ALK: variants seen among roughly 807,000 people sequenced by gnomAD.
ALK encodes the protein ALK tyrosine kinase receptor.
A neutral mutation model predicts 163.1 loss-of-function variants in ALK; 74 were observed. The observed-to-expected ratio is 0.45, with a 90% CI of 0.38 to 0.55. The LOEUF is 0.55. Among genes scored for constraint, ALK ranks in the 20% least tolerant of loss-of-function variants. The pLI, the probability that ALK is intolerant of heterozygous loss-of-function variation, is 0.00. For synonymous variants in ALK, 960 were observed against 843.2 expected, an observed-to-expected ratio of 1.14 and a Z score of -2.40; for missense variants, 2,063 against 2,105.3, an observed-to-expected ratio of 0.98 and a Z score of 0.39.
In ALK at chr2:29,223,333, G is replaced by A. The variant is rs2148170575; in HGVS notation, c.3359+9C>T. 1 of 1,613,970 alleles carries A rather than the reference G, an allele frequency of 6.2e-7. No individual in the cohort carries two copies. Among genetic ancestry groups the A allele is most frequent in the Non-Finnish European group, 8.5e-7 (1 of 1,179,988 alleles). ...CCCTCTCCTCCCAGGACGGCAGCAGGGCGCTCACCGAATGAGGGTGATGTT... is the reference window on the plus strand; with the variant it reads ...CCCTCTCCTCCCAGGACGGCAGCAGAGCGCTCACCGAATGAGGGTGATGTT... On this transcript the variant is annotated intron_variant, in intron 20 of 28. Coordinates refer to ENST00000389048, the MANE Select transcript of ALK (RefSeq NM_004304.5).
intron 4 of ALK, among the ~76,000 whole-genome samples, chr2:29,464,443 G>A (rs897530610): frequency 6.6e-6 from 1 of 152,106 alleles, no homozygotes; most frequent in South Asian, 2.1e-4. Flanking sequence ...TAATATACTG[G>A]CAAATGGGCA....
At chr2:29,504,602 TG>T (rs1672266080) in intron 4 of ALK, among the ~76,000 whole-genome samples, 1 of 151,780 alleles carries the variant, frequency 6.6e-6, no homozygotes, top group South Asian at 2.1e-4. Context: ...ATGGGGGATA[TG>T]GGGTGAAGAG....
Position 29,499,131 on chromosome 2 carries a change from C to T in ALK, c.1154+32784G>A, listed in dbSNP as rs13411731. ...AGGAGTTCTCCATTCCCAAGATATA[C>T]GTTCCTCACCCCGGTTTTGTGGCAT... On this transcript the variant is annotated intron_variant, in intron 4 of 28. Transcript: ENST00000389048. Among the ~76,000 whole-genome samples, 1,198 of 152,248 alleles carry T rather than the reference C, an allele frequency of 7.9e-3. 21 individuals carry two copies. Among genetic ancestry groups the T allele is most frequent in the African/African-American group, 0.027 (1,142 of 41,546 alleles).
At chr2:29,551,687 C>G (rs910486329) in intron 3 of ALK, among the ~76,000 whole-genome samples, 17 of 152,118 alleles carry the variant, frequency 1.1e-4, no homozygotes, top group African/African-American at 4.1e-4. Flanking sequence ...AGTGTGACCT[C>G]AGTCTAGCAA....
rs2148443779 is a variant in ALK, at chr2:29,920,503, T to C, written c.157A>G (p.Ser53Gly). 1 of 1,612,946 alleles carries C rather than the reference T, an allele frequency of 6.2e-7. No homozygotes were observed. Among genetic ancestry groups the C allele is most frequent in the Non-Finnish European group, 8.5e-7 (1 of 1,179,674 alleles). ...PLSYSRLQRK[S>G]LAVDFVVPSL... Reference sequence around the variant, plus strand: ...GGCACCACGAAGTCAACTGCCAGACTCTTCCTCTGCAGGCGCGAGTAGCTG... The same window carrying C: ...GGCACCACGAAGTCAACTGCCAGACCCTTCCTCTGCAGGCGCGAGTAGCTG... The change falls in exon 1 of 29, where the codon AGT becomes GGT. Residue 53 changes from serine to glycine, a missense_variant. Ser to Gly is a moderately conservative substitution (Grantham distance 56). Coordinates refer to ENST00000389048, the MANE Select transcript of ALK (RefSeq NM_004304.5).
chr2:29,900,432 G>A (rs1044421616), intron 1 of ALK, among the ~76,000 whole-genome samples: 5 of 152,190 alleles, frequency 3.3e-5, no homozygotes, highest in Admixed American at 2.0e-4. Context: ...AAGCAGGGTC[G>A]CTGCCTCCTC....
chr2:29,905,242 C>A (rs1667512285), intron 1 of ALK, among the ~76,000 whole-genome samples: 1 of 152,198 alleles, frequency 6.6e-6, no homozygotes, highest in South Asian at 2.1e-4. Flanking sequence ...AATGCAAACA[C>A]CACTGCTTGT....
At chr2:29,218,346 C>T (rs575868052) in intron 23 of ALK, among the ~76,000 whole-genome samples, 149 of 152,302 alleles carry the variant, frequency 9.8e-4, no homozygotes, top group Non-Finnish European at 1.5e-3. Context: ...GCCCCCTCCC[C>T]GTTCTGGGGG....
intron 26 of ALK, among the ~76,000 whole-genome samples, chr2:29,204,130 T>C (rs1485391683): frequency 6.6e-6 from 1 of 152,218 alleles, no homozygotes; most frequent in African/African-American, 2.4e-5. Context: ...AGTTCAAACT[T>C]GGAAGAAACT....
intron 1 of ALK, among the ~76,000 whole-genome samples, chr2:29,908,857 T>C (rs758643515): frequency 7.2e-5 from 11 of 152,256 alleles, no homozygotes; most frequent in Non-Finnish European, 1.2e-4. Context: ...TTTATTAGCA[T>C]ACTTTGTCTG....
In ALK at chr2:29,920,194, C is replaced by A. The variant is rs761318889; in HGVS notation, c.466G>T (p.Gly156Trp). ...CCCACAGCCGCCTCCCCGGGGGGCC[C>A]GACGCAACCCTCCAAGATCGCCTCC... ...GEEAILEGCV[G>W]PPGEAAVGLL... Residue 156 changes from glycine to tryptophan, a missense_variant, in exon 1 of 29, where the codon GGG becomes TGG. By Grantham distance (184) the Gly-to-Trp change is radical (BLOSUM62 -2). Around this residue, in one of 5 missense-constraint regions of ALK, gnomAD observed 987 missense variants for 939.5 expected, o/e 1.05. Transcript: ENST00000389048. The A allele has an allele frequency of 1.2e-6, 2 of 1,613,322 alleles. No homozygotes were observed. The highest frequency in any genetic ancestry group is 1.7e-6 in the Non-Finnish European group (2 of 1,180,012).
At chr2:29,676,013 A>T (rs917289326) in intron 3 of ALK, among the ~76,000 whole-genome samples, 1 of 152,088 alleles carries the variant, frequency 6.6e-6, no homozygotes, top group African/African-American at 2.4e-5. Flanking sequence ...GGTGTGGGTG[A>T]TGGCACCTGG....
At chr2:29,323,418 A>G (rs1456966837) in intron 6 of ALK, among the ~76,000 whole-genome samples, 1 of 152,218 alleles carries the variant, frequency 6.6e-6, no homozygotes, top group African/African-American at 2.4e-5. Context: ...GAAGAAAGCC[A>G]TCAGCATTCT....
chr2:29,695,035 C>A, intron 2 of ALK, 21 bp from the exon 3 acceptor site: 3 of 1,613,810 alleles, frequency 1.9e-6, no homozygotes, highest in South Asian at 2.2e-5. Context: ...AGCCAAGGGT[C>A]AATGGAAAAA....
intron 1 of ALK, chr2:29,899,819 C>T (rs1572482906): frequency 6.7e-6 from 1 of 148,848 alleles, no homozygotes; most frequent in Middle Eastern, 3.4e-3. Context: ...GAGTGAGACC[C>T]CATCTCAAAA....
intron 1 of ALK, among the ~76,000 whole-genome samples, chr2:29,794,911 T>C (rs1664268943): frequency 2.0e-5 from 3 of 152,200 alleles, no homozygotes; most frequent in Admixed American, 6.5e-5. Context: ...GGAAACATGG[T>C]GCTGACAGAC....
In ALK at chr2:29,641,612, C is replaced by T. The variant is rs561520944; in HGVS notation, c.952+53238G>A. Among the ~76,000 whole-genome samples the T allele has an allele frequency of 7.9e-5, 12 of 152,184 alleles. No individual in the cohort carries two copies. In the East Asian group the frequency reaches 2.1e-3, roughly 27 times the overall value. ...ATAACATAATTGCTTAATAGCCATT[C>T]CTTACCACCACCACCACCACCCCCT... On this transcript the variant is annotated intron_variant, in intron 3 of 28. Coordinates refer to ENST00000389048, the MANE Select transcript of ALK (RefSeq NM_004304.5).
intron 4 of ALK, among the ~76,000 whole-genome samples, chr2:29,424,215 A>T (rs1314601208): frequency 6.6e-6 from 1 of 152,222 alleles, no homozygotes; most frequent in African/African-American, 2.4e-5. Context: ...TATGTGTCAA[A>T]AACAGACTCA....
chr2:29,354,304 G>C (rs534336935), intron 5 of ALK, among the ~76,000 whole-genome samples: 1 of 152,316 alleles, frequency 6.6e-6, no homozygotes, highest in African/African-American at 2.4e-5. Context: ...TGATAGAAGG[G>C]AAGCGCTTTC....
Sources: gnomAD v4.1 joint callset for allele counts (sites outside exome capture counted in the v4.1 genomes callset) on GRCh38, gnomAD v4.1.1 for gene constraint, gnomAD v4.1.1 regional missense constraint, MANE v1.5 for transcripts, NCBI Gene and HGNC (gene_info 2026-07-23, HGNC 2026-07-21) for gene names.